The following EXD3 variants were observed in gnomAD, a reference collection of about 807,000 sequenced individuals.
EXD3 encodes exonuclease mut-7 homolog.
EXD3 carries 92 observed loss-of-function variants against 98.0 expected under a neutral mutation model. The observed-to-expected ratio is 0.94, with a 90% CI of 0.79 to 1.12. EXD3 has a LOEUF of 1.12. Ranked by LOEUF, EXD3 falls within the 50% of genes most tolerant of loss-of-function variation. The pLI is 0.00. For missense variants in EXD3, 1,222 were observed against 1,191.6 expected (o/e 1.03, Z -0.38); for synonymous variants, 569 against 526.0 (o/e 1.08, Z -1.12).
intron 3 of EXD3, among the ~76,000 whole-genome samples, chr9:137,375,709 A>C (rs1365752036): frequency 2.6e-5 from 4 of 152,020 alleles, no homozygotes; most frequent in South Asian, 4.1e-4. Context: ...TTCTAGCCCT[A>C]GTGAGTTCTA....
intron 19 of EXD3, among the ~76,000 whole-genome samples, chr9:137,315,520 G>T (rs1831599767): frequency 1.3e-5 from 2 of 152,084 alleles, no homozygotes; most frequent in African/African-American, 4.8e-5. Context: ...GGCTGACCCG[G>T]TCCAGGAGGG....
Position 137,411,685 on chromosome 9 carries a change from G to A in EXD3, c.-48+11429C>T, listed in dbSNP as rs1019860244. ...GGGACCTGGAAAAGGAGCGGCAGGC[G>A]GAGGCGGGGGTGGGGGAGGTTGGGG... is the stretch of plus-strand genomic sequence containing the variant. On this transcript the variant is annotated intron_variant, in intron 1 of 21. Coordinates refer to ENST00000340951, the MANE Select transcript of EXD3 (RefSeq NM_017820.5). Among the ~76,000 whole-genome samples the A allele has an allele frequency of 4.8e-5, 7 of 145,908 alleles. No individual in the cohort carries two copies. The East Asian group carries it at 8.3e-4, about 17-fold the overall frequency.
At chr9:137,399,034 C>T (rs13301832) in intron 1 of EXD3, among the ~76,000 whole-genome samples, 27,505 of 152,104 alleles carry the variant, frequency 0.18, 2,907 homozygotes, top group Non-Finnish European at 0.24. Flanking sequence ...CCGACATCCC[C>T]GTGACATACA....
chr9:137,395,519 A>G lies in EXD3; in HGVS notation c.-47-115T>C. On this transcript the variant is annotated intron_variant, in intron 1 of 21. Transcript: ENST00000340951. The surrounding 1 kb of genome is among the most constrained non-coding windows in gnomAD (Gnocchi z 6.5). The stretch of plus-strand genomic sequence containing the variant: ...GGGAGCTGGTGCCTGGGGGGGCCCA[A>G]GTGGGACCCCCAGTCGCTGAGCATA... 1.1e-6 allele frequency: 1 copy of G among 937,904 alleles called. No individual in the cohort carries two copies. Among genetic ancestry groups the G allele is most frequent in the Non-Finnish European group, 1.6e-6 (1 of 625,022 alleles). The allele number at this position is 937,904 out of a possible 1,614,324, so 58.1% of individuals were successfully genotyped here. A position where few individuals can be genotyped will look rare whatever the true frequency, so the allele number is the denominator to read the frequency against.
intron 1 of EXD3, among the ~76,000 whole-genome samples, chr9:137,404,057 G>A (rs1484878446): frequency 6.6e-6 from 1 of 152,086 alleles, no homozygotes; most frequent in African/African-American, 2.4e-5. Context: ...CCACTCCCTG[G>A]GTCTCCTCCC....
chr9:137,420,746 C>CG (rs1051538391), intron 1 of EXD3, among the ~76,000 whole-genome samples: 1 of 147,766 alleles, frequency 6.8e-6, no homozygotes, highest in Non-Finnish European at 1.5e-5. Context: ...CACCCCCCCC[C>CG]CCAAATTCAT....
intron 19 of EXD3, 37 bp downstream of exon 19, chr9:137,323,688 T>C: frequency 1.2e-6 from 2 of 1,603,384 alleles, no homozygotes; most frequent in Non-Finnish European, 1.7e-6. Flanking sequence ...CCAGATCTTG[T>C]GCCAGCCCCA....
intron 10 of EXD3, 182 bp from the exon 11 acceptor site, chr9:137,352,968 C>A: frequency 1.4e-6 from 2 of 1,410,116 alleles, no homozygotes; most frequent in Non-Finnish European, 9.2e-7. Flanking sequence ...TCCACAGGAC[C>A]AAAGCGGCTG....
Position 137,366,599 on chromosome 9 carries a change from C to T in EXD3, c.550G>A (p.Ala184Thr). The T allele has an allele frequency of 1.3e-6, 2 of 1,556,346 alleles. No homozygotes were observed. The highest frequency in any genetic ancestry group is 1.7e-6 in the Non-Finnish European group (2 of 1,150,962). Residue 184 changes from alanine (A) to threonine (T), a missense_variant, in exon 7 of 22, where the codon GCC (alanine) becomes ACC (threonine). By Grantham distance (58) the Ala-to-Thr change is moderately conservative (BLOSUM62 0). Transcript: ENST00000340951. ...SIPLLLQDKV[A>T]LVERYVAGFP... ...CCGGCCACATAGCGCTCCACGAGGGCCACCTTGTCCTGGAGGAGCAGTGGG... is the reference window on the plus strand; with the variant it reads ...CCGGCCACATAGCGCTCCACGAGGGTCACCTTGTCCTGGAGGAGCAGTGGG...
intron 17 of EXD3, among the ~76,000 whole-genome samples, chr9:137,336,997 A>G (rs1294125418): frequency 6.6e-6 from 1 of 152,172 alleles, no homozygotes; most frequent in East Asian, 1.9e-4. Flanking sequence ...ACCCAACTAG[A>G]AACAGTTTAC....
intron 19 of EXD3, among the ~76,000 whole-genome samples, chr9:137,317,470 T>C (rs1831747379): frequency 6.6e-6 from 1 of 151,876 alleles, no homozygotes; most frequent in Non-Finnish European, 1.5e-5. Context: ...AGGCACTACC[T>C]CACGAACCTG....
At chr9:137,412,444 A>G (rs1416826545) in intron 1 of EXD3, among the ~76,000 whole-genome samples, 3 of 152,262 alleles carry the variant, frequency 2.0e-5, no homozygotes, top group Non-Finnish European at 4.4e-5. Context: ...TGTGTCTACA[A>G]GAAAACTTAA....
intron 3 of EXD3, among the ~76,000 whole-genome samples, chr9:137,379,755 G>T (rs1422998912): frequency 1.3e-5 from 2 of 151,920 alleles, no homozygotes; most frequent in South Asian, 4.1e-4. Context: ...GTGCGCTCTC[G>T]CCCAGGCTGG....
rs531404774 is a variant in EXD3 at position 137,395,522 on chromosome 9, G to A, written c.-47-118C>T. 3.3e-6 allele frequency: 3 copies of A among 912,770 alleles called. No homozygotes were observed. Among genetic ancestry groups the A allele is most frequent in the South Asian group, 1.6e-5 (1 of 61,550 alleles). 56.5% of individuals were successfully genotyped at this position (912,770 alleles called of 1,614,324 possible). A position where few individuals can be genotyped will look rare whatever the true frequency, so the allele number is the denominator to read the frequency against. On this transcript the variant is annotated intron_variant, in intron 1 of 21. Coordinates refer to ENST00000340951, the MANE Select transcript of EXD3 (RefSeq NM_017820.5). This position sits in a 1 kb window ranked among gnomAD's most constrained non-coding sequence, Gnocchi z 6.5. ...AGCTGGTGCCTGGGGGGGCCCAAGT[G>A]GGACCCCCAGTCGCTGAGCATAGCG...
At position 137,363,715 on chromosome 9, in the gene EXD3, G is replaced by A. The variant is rs139916808; in HGVS notation, c.656+2778C>T. ...TGGGTTCTAATAAAGTTTTCTCTGT[G>A]ATAAAGCTTTAAACTGTGGATATAA... On this transcript the variant is annotated intron_variant, in intron 7 of 21. Transcript: ENST00000340951. Among the ~76,000 whole-genome samples, 1,085 of 152,192 alleles carry A rather than the reference G, an allele frequency of 7.1e-3. 21 individuals are homozygous for A. Among genetic ancestry groups the A allele is most frequent in the African/African-American group, 0.024 (1,013 of 41,484 alleles).
At chr9:137,340,791 T>C (rs1833609490) in intron 17 of EXD3, among the ~76,000 whole-genome samples, 1 of 152,100 alleles carries the variant, frequency 6.6e-6, no homozygotes, top group Non-Finnish European at 1.5e-5. Flanking sequence ...AGGGCTGAGA[T>C]TATAGGTGAG....
At chr9:137,373,184 T>A in intron 4 of EXD3, 112 bp from the exon 5 acceptor site, 1 of 1,339,478 alleles carries the variant, frequency 7.5e-7, no homozygotes, top group Non-Finnish European at 1.0e-6. Context: ...TGGCCATGTG[T>A]GGGCATCGGG....
chr9:137,338,352 A>G (rs1332775592), intron 17 of EXD3, among the ~76,000 whole-genome samples: 2 of 152,206 alleles, frequency 1.3e-5, no homozygotes, highest in African/African-American at 4.8e-5. Context: ...CAATGAAAAC[A>G]CTGTATATCA....
At chr9:137,319,977 G>A (rs547088189) in intron 19 of EXD3, among the ~76,000 whole-genome samples, 2 of 152,348 alleles carry the variant, frequency 1.3e-5, no homozygotes, top group East Asian at 3.9e-4. Flanking sequence ...CGCATGTGGC[G>A]CATACACGTG....
Sources: gnomAD v4.1 joint callset for allele counts (sites outside exome capture counted in the v4.1 genomes callset) on GRCh38, gnomAD v4.1.1 for gene constraint, Gnocchi (gnomAD v3.1) non-coding constraint, MANE v1.5 for transcripts, NCBI Gene and HGNC (gene_info 2026-07-23, HGNC 2026-07-21) for gene names.